Variants in MPZL1 observed in about 807,000 individuals in gnomAD.
The protein encoded by MPZL1 is myelin protein zero like 1.
MPZL1 carries 16 observed loss-of-function variants against 29.3 expected under a neutral mutation model. The observed-to-expected ratio is 0.55, with a 90% CI of 0.37 to 0.83. The LOEUF (loss-of-function observed/expected upper bound fraction) is 0.83. MPZL1 is among the 40% of genes least tolerant of loss of function. The pLI is 0.00. For missense variants in MPZL1, 279 were observed against 332.9 expected (o/e 0.84, Z 1.26); for synonymous variants, 143 against 132.0 (o/e 1.08, Z -0.57).
chr1:167,745,342 A>T (rs1465581596), intron 1 of MPZL1, among the ~76,000 whole-genome samples: 1 of 152,122 alleles, frequency 6.6e-6, no homozygotes, highest in Non-Finnish European at 1.5e-5. Context: ...TGGGGCAAAA[A>T]TCTTGCATTG....
At chr1:167,773,208 TTAAAAC>T in intron 3 of MPZL1, 22 bp from the exon 4 acceptor site, 1 of 1,603,300 alleles carries the variant, frequency 6.2e-7, no homozygotes, top group Non-Finnish European at 8.5e-7. Context: ...GCAATGTACC[TTAAAAC>T]TATTTTGTTC....
intron 5 of MPZL1, among the ~76,000 whole-genome samples, chr1:167,785,604 C>T (rs1382904995): frequency 1.3e-5 from 2 of 152,186 alleles, no homozygotes; most frequent in East Asian, 3.9e-4. Flanking sequence ...TTTGTGCAGT[C>T]AGTCACACAT....
intron 2 of MPZL1, among the ~76,000 whole-genome samples, chr1:167,770,307 C>T (rs998651796): frequency 6.6e-6 from 1 of 152,220 alleles, no homozygotes; most frequent in Non-Finnish European, 1.5e-5. Context: ...ACAAAGACAT[C>T]AGGCCTCCAG....
chr1:167,753,660 C>T (rs1660804466), intron 1 of MPZL1, among the ~76,000 whole-genome samples: 1 of 151,018 alleles, frequency 6.6e-6, no homozygotes, highest in East Asian at 1.9e-4. Context: ...GAGTCTCGCT[C>T]TGTCACCCAG....
intron 2 of MPZL1, among the ~76,000 whole-genome samples, chr1:167,767,923 T>C (rs1271627142): frequency 6.6e-6 from 1 of 151,484 alleles, no homozygotes; most frequent in African/African-American, 2.4e-5. Context: ...TCCCTGTCCC[T>C]TACCACTTCC....
chr1:167,749,616 G>A (rs1660715937), intron 1 of MPZL1, among the ~76,000 whole-genome samples: 1 of 152,176 alleles, frequency 6.6e-6, no homozygotes, highest in South Asian at 2.1e-4. Context: ...TCTTCACTAA[G>A]AGACTATTCT....
At chr1:167,728,362 CTTTTT>C (rs71097693) in intron 1 of MPZL1, among the ~76,000 whole-genome samples, 1 of 117,678 alleles carries the variant, frequency 8.5e-6, no homozygotes, top group African/African-American at 3.4e-5. Flanking sequence ...TTCTTTCTTT[CTTTTT>C]TTTTTTTTTT....
At chr1:167,780,342 TGTC>T (rs1661471142) in intron 5 of MPZL1, among the ~76,000 whole-genome samples, 1 of 152,226 alleles carries the variant, frequency 6.6e-6, no homozygotes, top group Non-Finnish European at 1.5e-5. Flanking sequence ...AATCATATGC[TGTC>T]TGCAATAAAC....
intron 1 of MPZL1, among the ~76,000 whole-genome samples, chr1:167,752,642 T>G (rs1469285936): frequency 8.5e-5 from 13 of 152,174 alleles, no homozygotes; most frequent in Admixed American, 8.5e-4. Flanking sequence ...CCCTCATATT[T>G]TACTTTCTGT....
Position 167,765,734 on chromosome 1 carries a change from C to A in MPZL1, c.243C>A (p.Ala81=). ...CCTGGAGCTTCCAGCCAGAGGGGGC[C>A]GACACTACTGTGTCGGTAAGAATGC... is the stretch of plus-strand genomic sequence containing the variant. ...SVSWSFQPEG[A]DTTVSFFHYS... Residue 81 remains alanine, a synonymous_variant, in exon 2 of 6, where the codon GCC becomes GCA. Transcript: ENST00000359523. 1 of 1,610,742 alleles carries A rather than the reference C, an allele frequency of 6.2e-7. No individual in the cohort carries two copies. Among genetic ancestry groups the A allele is most frequent in the Non-Finnish European group, 8.5e-7 (1 of 1,178,432 alleles).
intron 1 of MPZL1, among the ~76,000 whole-genome samples, chr1:167,742,824 G>A (rs1374123346): frequency 6.6e-6 from 1 of 152,068 alleles, no homozygotes; most frequent in East Asian, 1.9e-4. Context: ...GGTGAGAGAT[G>A]AGGATCCAGT....
intron 2 of MPZL1, among the ~76,000 whole-genome samples, chr1:167,766,392 G>A (rs1661115110): frequency 6.6e-6 from 1 of 152,156 alleles, no homozygotes; most frequent in African/African-American, 2.4e-5. Context: ...CTTGGTTCTG[G>A]TCTGTAAAAT....
intron 1 of MPZL1, among the ~76,000 whole-genome samples, chr1:167,727,488 T>G (rs1256201970): frequency 6.6e-6 from 1 of 152,236 alleles, no homozygotes; most frequent in African/African-American, 2.4e-5. Flanking sequence ...TGGTAAGCTT[T>G]GGCATATAAT....
At chr1:167,779,446 A>C (rs1353388804) in intron 5 of MPZL1, among the ~76,000 whole-genome samples, 1 of 152,086 alleles carries the variant, frequency 6.6e-6, no homozygotes, top group Non-Finnish European at 1.5e-5. Context: ...TTAGTTGGGC[A>C]TGGTGGCAGG....
intron 2 of MPZL1, among the ~76,000 whole-genome samples, chr1:167,771,717 A>G (rs890874837): frequency 1.3e-5 from 2 of 151,990 alleles, no homozygotes; most frequent in Non-Finnish European, 2.9e-5. Flanking sequence ...CACTTCCTAG[A>G]TGGGGTGGCA....
rs1230722919 is a variant in MPZL1 at position 167,730,260 on chromosome 1, C to CT, written c.91+8028dup. 2.1e-3 allele frequency among the ~76,000 whole-genome samples: 318 copies of CT among 149,802 alleles called. 1 individual carries two copies. Among genetic ancestry groups the CT allele is most frequent in the Middle Eastern group, 6.9e-3 (2 of 290 alleles). ...CTCCTCAGGGATTTTTAATGATGTTCTTTTTTTTTTCTTTTTCTTTCTTTC... is the reference window on the plus strand; with the variant it reads ...CTCCTCAGGGATTTTTAATGATGTTCTTTTTTTTTTTCTTTTTCTTTCTTTC... On this transcript the variant is annotated intron_variant, in intron 1 of 5. Coordinates refer to ENST00000359523, the MANE Select transcript of MPZL1 (RefSeq NM_003953.6).
intron 1 of MPZL1, among the ~76,000 whole-genome samples, chr1:167,736,607 T>G (rs560002798): frequency 7.2e-5 from 11 of 152,264 alleles, no homozygotes; most frequent in Admixed American, 5.9e-4. Context: ...CTAGAATCCT[T>G]CCCTTTCCTC....
chr1:167,780,827 TAACAC>T (rs1163086733), intron 5 of MPZL1, among the ~76,000 whole-genome samples: 1 of 152,164 alleles, frequency 6.6e-6, no homozygotes, highest in Non-Finnish European at 1.5e-5. Flanking sequence ...TAAATGCACT[TAACAC>T]TACTAAGCTG....
chr1:167,750,063 A>G (rs16859532), intron 1 of MPZL1, among the ~76,000 whole-genome samples: 37,996 of 152,180 alleles, frequency 0.25, 4,983 homozygotes, highest in East Asian at 0.42. Context: ...TAAAGGTTAA[A>G]TGGAATACTG....
Sources: allele counts gnomAD v4.1 joint callset (sites outside exome capture counted in the v4.1 genomes callset), GRCh38; gene constraint gnomAD v4.1.1; transcripts MANE v1.5; gene names NCBI Gene and HGNC (gene_info 2026-07-23, HGNC 2026-07-21).